TOGARAM1: variants seen among roughly 807,000 people sequenced by gnomAD.
The protein encoded by TOGARAM1 is TOG array regulator of axonemal microtubules 1, also known as TOG array regulator of axonemal microtubules protein 1.
In TOGARAM1, 100 loss-of-function variants were observed where a neutral mutation model predicts 166.6. The observed-to-expected ratio is 0.60, with a 90% CI of 0.51 to 0.71. TOGARAM1 has a LOEUF of 0.71. Among genes scored for constraint, TOGARAM1 ranks in the 30% least tolerant of loss-of-function variants. TOGARAM1 has a pLI of 0.00. For synonymous variants in TOGARAM1, 758 were observed against 763.8 expected, an observed-to-expected ratio of 0.99 and a Z score of 0.13; for missense variants, 2,029 against 2,102.7, an observed-to-expected ratio of 0.96 and a Z score of 0.69.
At chr14:45,027,877 A>G (rs902053130) in intron 9 of TOGARAM1, among the ~76,000 whole-genome samples, 1 of 151,690 alleles carries the variant, frequency 6.6e-6, no homozygotes, top group African/African-American at 2.4e-5. Context: ...GTCTCAAGAA[A>G]AAAAAAAAAA....
rs1885240824 is a variant in TOGARAM1 at position 44,962,750 on chromosome 14, C to T, written c.329C>T (p.Ser110Phe). The T allele has an allele frequency of 1.2e-6, 2 of 1,613,464 alleles. No homozygotes were observed. Among genetic ancestry groups the T allele is most frequent in the South Asian group, 1.1e-5 (1 of 91,092 alleles). ...CTCCTCCGCACTGCCCGGGATCCTT[C>T]TGAGGCCTTCCAGGCTTTGCAAGCT... ...LQLLRTARDP[S>F]EAFQALQAAL... The change falls in exon 1 of 20, where the codon TCT becomes TTT. Residue 110 changes from serine (S) to phenylalanine (F), a missense_variant. This residue lies in a region of TOGARAM1 where 1,453 missense variants were observed against 1,432.2 expected (regional missense o/e 1.01). Transcript: ENST00000361462.
rs1328980728 is a variant in TOGARAM1, at chr14:45,043,776, T to G, written c.3903T>G (p.Phe1301Leu). 3 of 1,607,164 alleles carry G rather than the reference T, an allele frequency of 1.9e-6. No homozygotes were observed. Among genetic ancestry groups the G allele is most frequent in the Non-Finnish European group, 2.6e-6 (3 of 1,173,816 alleles). Residue 1301 changes from phenylalanine to leucine, a missense_variant, in exon 12 of 20, where the codon TTT becomes TTG. Transcript: ENST00000361462. The stretch of plus-strand genomic sequence containing the variant: ...ACACAAAGTTGCATGAAACAAATTT[T>G]GCAGTTGTTCAAGAGGTAAACTTAT... ...ILNTKLHETN[F>L]AVVQEVKNLR... is the part of the protein sequence containing the mutation.
chr14:44,962,362 C>G lies in TOGARAM1; in HGVS notation c.-60C>G. ...GGAGAGGATCTGGAAGTCTGGGCTC[C>G]ATCGAGCCCTTTGGAGACGGCAATG... On this transcript the variant is annotated 5_prime_UTR_variant, in exon 1 of 20. Transcript: ENST00000361462. 1 of 1,488,392 alleles carries G rather than the reference C, an allele frequency of 6.7e-7. No homozygotes were observed. The allele number at this position is 1,488,392 out of a possible 1,614,324, so 92.2% of individuals were successfully genotyped here.
chr14:44,970,457 G>C (rs1357567341), intron 1 of TOGARAM1, among the ~76,000 whole-genome samples: 3 of 151,984 alleles, frequency 2.0e-5, no homozygotes, highest in Non-Finnish European at 4.4e-5. Context: ...AATTCTTTGA[G>C]ACTTTCTATG....
At chr14:44,964,951 T>TAAAAAAAAAAAAAAAAAAAAAAAAGAA (rs35780816) in intron 1 of TOGARAM1, among the ~76,000 whole-genome samples, 4 of 85,898 alleles carry the variant, frequency 4.7e-5, no homozygotes, top group Non-Finnish European at 6.5e-5. Flanking sequence ...ACTAGAAAAG[T>TAAAAAAAAAAAAAAAAAAAAAAAAGAA]AAAAAAAAAA....
At chr14:45,004,643 G>A (rs927200804) in intron 4 of TOGARAM1, among the ~76,000 whole-genome samples, 1 of 152,070 alleles carries the variant, frequency 6.6e-6, no homozygotes, top group Non-Finnish European at 1.5e-5. Flanking sequence ...TAGAGATAGG[G>A]TCCTACTATG....
In TOGARAM1 at chr14:45,066,577, G is replaced by A. The variant is rs1476624357; in HGVS notation, c.4560-1G>A. On this transcript the variant is annotated splice_acceptor_variant, in intron 16 of 19. Coordinates refer to ENST00000361462, the MANE Select transcript of TOGARAM1 (RefSeq NM_001308120.2). LOFTEE classifies it high-confidence loss of function. ...TTACCTTCACCTTTCTTTCACTTTA[G>A]AGCTGTAACTGAAGTTCGTGAAGTC... 3 of 1,601,102 alleles carry A rather than the reference G, an allele frequency of 1.9e-6. No homozygotes were observed. Among genetic ancestry groups the A allele is most frequent in the African/African-American group, 1.3e-5 (1 of 74,582 alleles).
At chr14:45,046,763 G>A in intron 14 of TOGARAM1, 60 bp downstream of exon 14, 1 of 1,216,152 alleles carries the variant, frequency 8.2e-7, no homozygotes. Context: ...AGTAGGAAAA[G>A]AAAGAAAGTT....
At chr14:45,063,044 T>A (rs1882967876) in intron 16 of TOGARAM1, among the ~76,000 whole-genome samples, 1 of 152,188 alleles carries the variant, frequency 6.6e-6, no homozygotes, top group Non-Finnish European at 1.5e-5. Flanking sequence ...ACATTTCATA[T>A]AAAGGAAATC....
chr14:44,966,952 A>G (rs1885583890), intron 1 of TOGARAM1, among the ~76,000 whole-genome samples: 1 of 152,026 alleles, frequency 6.6e-6, no homozygotes, highest in East Asian at 1.9e-4. Flanking sequence ...TGAGACCCAG[A>G]CTCAAAAACA....
chr14:44,964,185 A>C lies in TOGARAM1; in HGVS notation c.1764A>C (p.Glu588Asp), dbSNP rs1885385838. 6.2e-7 allele frequency: 1 copy of C among 1,614,208 alleles called. No homozygotes were observed. The highest frequency in any genetic ancestry group is 1.1e-5 in the South Asian group (1 of 91,082). The change falls in exon 1 of 20, where the codon GAA becomes GAC. Residue 588 changes from glutamate to aspartate, a missense_variant. Around this residue, in one of 2 missense-constraint regions of TOGARAM1, gnomAD observed 1,453 missense variants for 1,432.2 expected, o/e 1.01. Transcript: ENST00000361462. ...GGCTCACAGAGCAGGGATTTGTGGA[A>C]TATGCAGTACTGATGCCATCTTCTG... ...LPRLTEQGFV[E>D]YAVLMPSSAG...
chr14:44,972,758 T>G (rs951511161), intron 1 of TOGARAM1, among the ~76,000 whole-genome samples: 33 of 152,164 alleles, frequency 2.2e-4, no homozygotes, highest in African/African-American at 7.5e-4. Context: ...ATATCTATCT[T>G]TATATTTAAA....
At chr14:44,985,348 G>A (rs1467693725) in intron 1 of TOGARAM1, among the ~76,000 whole-genome samples, 1 of 152,142 alleles carries the variant, frequency 6.6e-6, no homozygotes, top group African/African-American at 2.4e-5. Context: ...ATAAGCATGT[G>A]TGTTAACATC....
At chr14:45,062,323 A>T (rs1194918252) in intron 16 of TOGARAM1, among the ~76,000 whole-genome samples, 2 of 152,080 alleles carry the variant, frequency 1.3e-5, no homozygotes, top group Admixed American at 1.3e-4. Flanking sequence ...TACATTGAGG[A>T]TAGTTGTGAT....
chr14:45,019,773 C>A (rs551936869), intron 7 of TOGARAM1, among the ~76,000 whole-genome samples: 1 of 152,308 alleles, frequency 6.6e-6, no homozygotes, highest in South Asian at 2.1e-4. Flanking sequence ...CTTAGGGACT[C>A]GCTGTCGGCC....
intron 1 of TOGARAM1, among the ~76,000 whole-genome samples, chr14:44,967,280 A>C (rs1885608644): frequency 6.6e-6 from 1 of 151,944 alleles, no homozygotes; most frequent in Admixed American, 6.6e-5. Context: ...CCATATTTGA[A>C]TCTCCCTTCG....
intron 1 of TOGARAM1, among the ~76,000 whole-genome samples, chr14:44,986,502 G>A (rs536984734): frequency 6.6e-6 from 1 of 152,100 alleles, no homozygotes; most frequent in South Asian, 2.1e-4. Flanking sequence ...GTTGCCTGTT[G>A]CCTAGGCTGG....
intron 1 of TOGARAM1, among the ~76,000 whole-genome samples, chr14:44,969,245 G>A (rs1302839096): frequency 3.3e-5 from 5 of 149,292 alleles, no homozygotes; most frequent in Non-Finnish European, 4.4e-5. Context: ...TCTGCCTCCC[G>A]GGATCAAGTA....
At chr14:44,975,967 G>C (rs1335412875) in intron 1 of TOGARAM1, among the ~76,000 whole-genome samples, 3 of 152,032 alleles carry the variant, frequency 2.0e-5, no homozygotes, top group Non-Finnish European at 4.4e-5. Context: ...ACTACATTTA[G>C]TAGTTTTCTA....
Sources: allele counts gnomAD v4.1 joint callset (sites outside exome capture counted in the v4.1 genomes callset), GRCh38; gene constraint gnomAD v4.1.1; regional missense constraint gnomAD v4.1.1; transcripts MANE v1.5; gene names NCBI Gene and HGNC (gene_info 2026-07-23, HGNC 2026-07-21).